Variants in DOCK9 observed in about 807,000 individuals in gnomAD.
DOCK9 encodes dedicator of cytokinesis 9.
A neutral mutation model predicts 263.3 loss-of-function variants in DOCK9; 89 were observed. That is an observed-to-expected ratio of 0.34 (90% CI 0.28 to 0.40). DOCK9 has a LOEUF of 0.40. Among genes scored for constraint, DOCK9 ranks in the 10% least tolerant of loss-of-function variants. The pLI, the probability that DOCK9 is intolerant of heterozygous loss-of-function variation, is 1.00. For synonymous variants in DOCK9, 976 were observed against 973.1 expected (o/e 1.00, Z -0.06); for missense variants, 2,140 against 2,603.4 (o/e 0.82, Z 3.87).
chr13:98,832,149 C>T (rs969504907), intron 39 of DOCK9: 5 of 198,018 alleles, frequency 2.5e-5, no homozygotes, highest in Admixed American at 1.1e-4. Flanking sequence ...CACAGGTATG[C>T]GATAATTATA....
chr13:98,934,657 G>A (rs2054522633), intron 2 of DOCK9, among the ~76,000 whole-genome samples: 1 of 88,632 alleles, frequency 1.1e-5, no homozygotes, highest in South Asian at 4.5e-4. Context: ...ACACTACAGA[G>A]TTAAGACAGA....
intron 1 of DOCK9, among the ~76,000 whole-genome samples, chr13:99,072,763 G>A (rs547737219): frequency 1.6e-4 from 24 of 152,222 alleles, no homozygotes; most frequent in African/African-American, 5.5e-4. Flanking sequence ...CACTTGGGAC[G>A]CCGAGGCAGG....
At chr13:99,063,254 C>T (rs17724691) in intron 1 of DOCK9, among the ~76,000 whole-genome samples, 7,433 of 152,330 alleles carry the variant, frequency 0.049, 240 homozygotes, top group Middle Eastern at 0.12. Context: ...TGAAAGATGT[C>T]GTGCTCTATT....
chr13:98,828,893 G>A (rs1034290105), intron 43 of DOCK9, among the ~76,000 whole-genome samples: 5 of 152,306 alleles, frequency 3.3e-5, no homozygotes, highest in East Asian at 3.9e-4. Context: ...AGAAGGGAAT[G>A]CTGGAATACC....
At chr13:99,025,070 C>G (rs1424280894) in intron 1 of DOCK9, among the ~76,000 whole-genome samples, 2 of 152,220 alleles carry the variant, frequency 1.3e-5, no homozygotes, top group Non-Finnish European at 2.9e-5. Flanking sequence ...TATGACTTAA[C>G]TGTAACTAGG....
At chr13:98,996,260 G>A (rs748705226) in intron 1 of DOCK9, among the ~76,000 whole-genome samples, 4 of 152,156 alleles carry the variant, frequency 2.6e-5, no homozygotes, top group African/African-American at 4.8e-5. Flanking sequence ...AGTGCTGCTC[G>A]TAATTACCAC....
intron 1 of DOCK9, among the ~76,000 whole-genome samples, chr13:99,041,752 T>C (rs142732518): frequency 2.0e-4 from 31 of 152,316 alleles, no homozygotes; most frequent in African/African-American, 7.2e-4. Context: ...TCATCCTGAA[T>C]TACCCAGGTG....
chr13:98,980,950 G>T (rs1392700491), upstream of DOCK9, among the ~76,000 whole-genome samples: 2 of 151,838 alleles, frequency 1.3e-5, no homozygotes, highest in Non-Finnish European at 2.9e-5. Flanking sequence ...CTTTTAATTT[G>T]CTCTGAGTTT....
At chr13:99,046,656 A>G (rs2040449204) in intron 1 of DOCK9, among the ~76,000 whole-genome samples, 2 of 152,356 alleles carry the variant, frequency 1.3e-5, no homozygotes, top group East Asian at 1.9e-4. Flanking sequence ...GTTATCACAT[A>G]CTGTGTGTAA....
intron 15 of DOCK9, among the ~76,000 whole-genome samples, chr13:98,896,274 A>C (rs1459020008): frequency 9.2e-5 from 14 of 152,198 alleles, no homozygotes; most frequent in African/African-American, 3.4e-4. Context: ...GTCGCTGTGA[A>C]GGCTGAAGCC....
chr13:98,888,520 G>C lies in DOCK9; in HGVS notation c.1817C>G (p.Thr606Arg), dbSNP rs776952962. ...TTTACTGCAGGTTTCAAATTGTTTT[G>C]TGGGAATGTATGATGAATTAACATA... Reference protein sequence around the residue: ...PNYVNSSYIPTKQFETCSKTP... With the variant: ...PNYVNSSYIPRKQFETCSKTP... The change falls in exon 17 of 53, where the codon ACA becomes AGA. Residue 606 changes from threonine to arginine, a missense_variant. Around this residue, in one of 2 missense-constraint regions of DOCK9, gnomAD observed 1,521 missense variants for 1,741.7 expected, o/e 0.87. Transcript: ENST00000682017. The C allele has an allele frequency of 3.7e-6, 6 of 1,613,938 alleles. No individual in the cohort carries two copies. In the South Asian group the frequency reaches 4.4e-5, roughly 12 times the overall value.
At chr13:99,036,348 T>C (rs939085678) in intron 1 of DOCK9, among the ~76,000 whole-genome samples, 6 of 152,120 alleles carry the variant, frequency 3.9e-5, no homozygotes, top group Non-Finnish European at 8.8e-5. Context: ...TTAGTGCTCG[T>C]ATAAAGAAGA....
chr13:98,939,908 C>A (rs191017913), intron 2 of DOCK9, among the ~76,000 whole-genome samples: 117 of 152,304 alleles, frequency 7.7e-4, no homozygotes, highest in Admixed American at 2.0e-3. Flanking sequence ...GAATTATGTC[C>A]CTTTGATATC....
chr13:98,924,568 A>T (rs2052613467), intron 4 of DOCK9, among the ~76,000 whole-genome samples: 1 of 152,194 alleles, frequency 6.6e-6, no homozygotes, highest in Non-Finnish European at 1.5e-5. Flanking sequence ...TTGTTGCATA[A>T]TTGGGCCTAG....
intron 1 of DOCK9, among the ~76,000 whole-genome samples, chr13:98,990,848 C>A (rs543457705): frequency 6.6e-6 from 1 of 152,330 alleles, no homozygotes; most frequent in Admixed American, 6.5e-5. Context: ...AGGACTCTCA[C>A]TAAAGTAGTC....
intron 18 of DOCK9, among the ~76,000 whole-genome samples, chr13:98,887,145 T>TATATATATATATATATC (rs1566858396): frequency 3.7e-5 from 1 of 27,116 alleles, no homozygotes; most frequent in Non-Finnish European, 7.0e-5. Context: ...ATATATATAT[T>TATATATATATATATATC]TTTTTTTTTT....
chr13:98,932,404 C>CAAACA (rs1488368829), intron 2 of DOCK9, among the ~76,000 whole-genome samples: 5 of 150,700 alleles, frequency 3.3e-5, no homozygotes, highest in African/African-American at 4.9e-5. Context: ...CAAAAAACAA[C>CAAACA]AACAAACAAA....
chr13:99,036,445 GAACCC>G (rs766284877), intron 1 of DOCK9, among the ~76,000 whole-genome samples: 18 of 152,182 alleles, frequency 1.2e-4, no homozygotes, highest in Non-Finnish European at 2.2e-4. Context: ...GTCCTCATCA[GAACCC>G]AACCATGCTG....
intron 2 of DOCK9, among the ~76,000 whole-genome samples, chr13:98,934,733 C>A (rs1332930351): frequency 6.6e-6 from 1 of 152,160 alleles, no homozygotes; most frequent in Non-Finnish European, 1.5e-5. Context: ...GTCAATGCCA[C>A]GAAAGAGGTC....
Sources: gnomAD v4.1 joint callset for allele counts (sites outside exome capture counted in the v4.1 genomes callset) on GRCh38, gnomAD v4.1.1 for gene constraint, gnomAD v4.1.1 regional missense constraint, MANE v1.5 for transcripts, NCBI Gene and HGNC (gene_info 2026-07-23, HGNC 2026-07-21) for gene names.